WDPCP: variants seen among roughly 807,000 people sequenced by gnomAD.
The protein encoded by WDPCP is WD repeat-containing and planar cell polarity effector protein fritz homolog.
In WDPCP, 71 loss-of-function variants were observed where a neutral mutation model predicts 93.1. The observed-to-expected ratio is 0.76, with a 90% CI of 0.63 to 0.93. WDPCP has a LOEUF of 0.93. Ranked by LOEUF, WDPCP falls within the 40% of genes least tolerant of loss-of-function variation. The pLI is 0.00. For synonymous variants in WDPCP, 315 were observed against 315.0 expected, an observed-to-expected ratio of 1.00 and a Z score of 0.00; for missense variants, 844 against 887.4, an observed-to-expected ratio of 0.95 and a Z score of 0.62.
intron 2 of WDPCP, among the ~76,000 whole-genome samples, chr2:63,801,185 C>T (rs1279660118): frequency 1.3e-5 from 2 of 152,224 alleles, no homozygotes; most frequent in Non-Finnish European, 2.9e-5. Context: ...TGCAGTCAAT[C>T]TGTCAGCTGG....
At chr2:63,251,014 A>AAGTT (rs749637809) in intron 14 of WDPCP, among the ~76,000 whole-genome samples, 141 of 152,274 alleles carry the variant, frequency 9.3e-4, no homozygotes, top group Non-Finnish European at 1.8e-3. Context: ...CTGCACCAAA[A>AAGTT]AGTTAGAAAG....
chr2:63,433,865 A>G lies in WDPCP; in HGVS notation c.705T>C (p.His235=), dbSNP rs1281696709. ...TERHLAINCV[H]DRVVCWWPLV... is the part of the protein sequence containing the mutation. ...GTGGCCACCAGCAAACAACTCTATC[A>G]TGAACACAGTTGATAGCTAGATGTC... is the stretch of plus-strand genomic sequence containing the variant. The change falls in exon 9 of 18, where the codon CAT becomes CAC. Residue 235 remains histidine (H), a synonymous_variant. Transcript: ENST00000272321. 7 of 1,613,958 alleles carry G rather than the reference A, an allele frequency of 4.3e-6. No individual in the cohort carries two copies. Among genetic ancestry groups the G allele is most frequent in the Non-Finnish European group, 5.9e-6 (7 of 1,179,960 alleles).
chr2:63,490,776 C>G (rs79087667), intron 2 of WDPCP, among the ~76,000 whole-genome samples: 2,501 of 152,158 alleles, frequency 0.016, 81 homozygotes, highest in African/African-American at 0.057. Context: ...TGGGCATGAA[C>G]AGAGGACAAG....
At chr2:63,654,600 A>G (rs1209803995) in intron 2 of WDPCP, among the ~76,000 whole-genome samples, 1 of 152,210 alleles carries the variant, frequency 6.6e-6, no homozygotes, top group African/African-American at 2.4e-5. Context: ...CTTTAGCCAC[A>G]TATGCACAGT....
intron 14 of WDPCP, among the ~76,000 whole-genome samples, chr2:63,182,623 T>C (rs1403293794): frequency 6.6e-6 from 1 of 151,910 alleles, no homozygotes; most frequent in African/African-American, 2.4e-5. Flanking sequence ...TGTGTGCTAG[T>C]CCGGCTTTAG....
chr2:63,174,632 A>C lies in WDPCP; in HGVS notation c.2078+38T>G. On this transcript the variant is annotated intron_variant, in intron 15 of 17. Coordinates refer to ENST00000272321, the MANE Select transcript of WDPCP (RefSeq NM_015910.7). ...CGCATTTGAACAGGTAATACTAAAT[A>C]CTTTATGGAGCAATTTCCTCAGTTC... The C allele has an allele frequency of 1.9e-6, 3 of 1,612,028 alleles. No homozygotes were observed. In the South Asian group the frequency reaches 3.3e-5, roughly 18 times the overall value.
At chr2:63,746,354 TAA>T (rs1432996143) in intron 2 of WDPCP, among the ~76,000 whole-genome samples, 1 of 152,154 alleles carries the variant, frequency 6.6e-6, no homozygotes, top group Non-Finnish European at 1.5e-5. Context: ...TTGCATTAAC[TAA>T]ACAAATTGTT....
chr2:63,186,473 C>T (rs989308048), intron 14 of WDPCP, among the ~76,000 whole-genome samples: 2 of 152,230 alleles, frequency 1.3e-5, no homozygotes, highest in Non-Finnish European at 2.9e-5. Flanking sequence ...TTGAGAAGAG[C>T]ATCCTCCTGT....
At chr2:63,452,980 C>T (rs1698363534) in intron 6 of WDPCP, among the ~76,000 whole-genome samples, 1 of 152,090 alleles carries the variant, frequency 6.6e-6, no homozygotes, top group Non-Finnish European at 1.5e-5. Flanking sequence ...GACCTAAAAC[C>T]ATAAAAACCC....
intron 12 of WDPCP, among the ~76,000 whole-genome samples, chr2:63,342,302 T>C (rs1367217614): frequency 1.3e-5 from 2 of 152,198 alleles, no homozygotes; most frequent in Non-Finnish European, 2.9e-5. Context: ...GGCCTGGGGA[T>C]TGGGGAGCCC....
intron 6 of WDPCP, among the ~76,000 whole-genome samples, chr2:63,451,486 C>T (rs935851148): frequency 1.2e-4 from 19 of 152,232 alleles, no homozygotes; most frequent in African/African-American, 3.9e-4. Flanking sequence ...CAGGACCAGA[C>T]GGATTCACAG....
At chr2:63,754,652 G>A (rs1669934401) in intron 2 of WDPCP, among the ~76,000 whole-genome samples, 1 of 152,150 alleles carries the variant, frequency 6.6e-6, no homozygotes, top group Non-Finnish European at 1.5e-5. Flanking sequence ...GGTTGATGTG[G>A]GGAGTGGAGA....
intron 1 of WDPCP, among the ~76,000 whole-genome samples, chr2:63,545,334 T>C (rs1705066855): frequency 6.6e-6 from 1 of 151,088 alleles, no homozygotes; most frequent in African/African-American, 2.4e-5. Context: ...TGTGTGTGTG[T>C]GTGAGAGAGA....
chr2:63,427,092 C>G (rs1008102561), intron 9 of WDPCP, among the ~76,000 whole-genome samples: 5 of 152,192 alleles, frequency 3.3e-5, no homozygotes, highest in Non-Finnish European at 7.4e-5. Flanking sequence ...ATTCATAAAA[C>G]AAATTCTTCT....
chr2:63,766,484 C>T (rs934065664), intron 2 of WDPCP, among the ~76,000 whole-genome samples: 1 of 151,700 alleles, frequency 6.6e-6, no homozygotes, highest in African/African-American at 2.4e-5. Context: ...CGTGTACTAC[C>T]ATGCCTAGCC....
rs1316028736 is a variant in WDPCP, at chr2:63,437,484, G to T, written c.570C>A (p.Thr190=). ...TTACATCAGAAGACTCCATCTTCTTGGTAAACTGAATAAAACATAGTTTGT... is the reference window on the plus strand; with the variant it reads ...TTACATCAGAAGACTCCATCTTCTTTGTAAACTGAATAAAACATAGTTTGT... The part of the protein sequence containing the change: ...AQNKLCFIQF[T]KKMESSDVNK... The change falls in exon 8 of 18, where the codon ACC becomes ACA. Residue 190 remains threonine (T), a synonymous_variant. Transcript: ENST00000272321. 1 of 1,601,268 alleles carries T rather than the reference G, an allele frequency of 6.2e-7. No homozygotes were observed. The highest frequency in any genetic ancestry group is 8.5e-7 in the Non-Finnish European group (1 of 1,174,150).
intron 12 of WDPCP, among the ~76,000 whole-genome samples, chr2:63,313,853 C>CATATAT (rs1239251914): frequency 2.1e-3 from 79 of 38,492 alleles, no homozygotes; most frequent in Non-Finnish European, 2.6e-3. Context: ...ATTATTCATA[C>CATATAT]ATATATATAT....
At chr2:63,461,296 G>A (rs1277208676) in intron 6 of WDPCP, among the ~76,000 whole-genome samples, 2 of 152,136 alleles carry the variant, frequency 1.3e-5, no homozygotes, top group African/African-American at 4.8e-5. Context: ...ATGGTTTGGT[G>A]TTATCCTGGC....
At position 63,120,373 on chromosome 2, in the gene WDPCP, C is replaced by T. The variant is rs920826233; in HGVS notation, c.*1633G>A. 9.9e-5 allele frequency among the ~76,000 whole-genome samples: 15 copies of T among 152,030 alleles called. No individual in the cohort carries two copies. The highest frequency in any genetic ancestry group is 1.8e-4 in the Non-Finnish European group (12 of 68,004). On this transcript the variant is annotated 3_prime_UTR_variant, in exon 18 of 18. Coordinates refer to ENST00000272321, the MANE Select transcript of WDPCP (RefSeq NM_015910.7). ...GTTTCACCTTTTTTTGTCATACCCT[C>T]TGGTAGAGGTACAGATAAATGGGAA...
Sources: allele counts gnomAD v4.1 joint callset (sites outside exome capture counted in the v4.1 genomes callset), GRCh38; gene constraint gnomAD v4.1.1; transcripts MANE v1.5; gene names NCBI Gene and HGNC (gene_info 2026-07-23, HGNC 2026-07-21).